The following CMSS1 variants were observed in gnomAD, a reference collection of about 807,000 sequenced individuals.
CMSS1 encodes protein CMSS1.
In CMSS1, 33 loss-of-function variants were observed where a neutral mutation model predicts 43.5. The ratio of observed to expected loss-of-function variants is 0.76; its 90% confidence interval spans 0.57 to 1.01. The LOEUF (loss-of-function observed/expected upper bound fraction) is 1.01, where lower values mean the gene tolerates loss of function less well. Ranked by LOEUF, CMSS1 falls within the 50% of genes least tolerant of loss-of-function variation. The pLI, the probability that CMSS1 is intolerant of heterozygous loss-of-function variation, is 0.00. For missense variants in CMSS1, 313 were observed against 326.4 expected, an observed-to-expected ratio of 0.96 and a Z score of 0.32; for synonymous variants, 115 against 117.2, an observed-to-expected ratio of 0.98 and a Z score of 0.12.
intron 1 of CMSS1, among the ~76,000 whole-genome samples, chr3:100,056,359 T>C (rs561458818): frequency 6.6e-6 from 1 of 152,338 alleles, no homozygotes; most frequent in Middle Eastern, 3.4e-3. Context: ...TTTTTAAATT[T>C]CTATGGGAGG....
At chr3:100,060,962 A>G (rs911119048) in intron 1 of CMSS1, among the ~76,000 whole-genome samples, 1 of 152,182 alleles carries the variant, frequency 6.6e-6, no homozygotes, top group Non-Finnish European at 1.5e-5. Flanking sequence ...TTGCAGAACC[A>G]CATCCTCATT....
intron 1 of CMSS1, among the ~76,000 whole-genome samples, chr3:99,963,696 C>T (rs1188403133): frequency 6.6e-6 from 1 of 151,896 alleles, no homozygotes; most frequent in Non-Finnish European, 1.5e-5. Context: ...ACTGCAGCCT[C>T]GCCTCCAGGG....
At chr3:100,019,563 G>A (rs2064768787) in intron 1 of CMSS1, among the ~76,000 whole-genome samples, 3 of 151,972 alleles carry the variant, frequency 2.0e-5, no homozygotes, top group African/African-American at 7.2e-5. Context: ...ACGTAAAATT[G>A]TTCTATTTTA....
intron 1 of CMSS1, among the ~76,000 whole-genome samples, chr3:100,012,495 G>A (rs1710186397): frequency 6.6e-6 from 1 of 152,000 alleles, no homozygotes; most frequent in Non-Finnish European, 1.5e-5. Context: ...GAGCCTTAAG[G>A]ACTACATATC....
chr3:99,978,194 C>T (rs1709023942), intron 1 of CMSS1, among the ~76,000 whole-genome samples: 2 of 152,054 alleles, frequency 1.3e-5, no homozygotes, highest in African/African-American at 4.8e-5. Flanking sequence ...TTCAGGAATT[C>T]CCTCATGGAA....
chr3:99,983,462 GTGTATATATATATATATATATATATA>G (rs1296822629), intron 1 of CMSS1, among the ~76,000 whole-genome samples: 351 of 11,968 alleles, frequency 0.029, 19 homozygotes, highest in African/African-American at 0.07. Context: ...ATATATATGT[GTGTATATATATATATATATATATATA>G]TATATATATA....
At chr3:99,854,188 T>G (rs139050305) in intron 1 of CMSS1, among the ~76,000 whole-genome samples, 7 of 152,194 alleles carry the variant, frequency 4.6e-5, no homozygotes, top group African/African-American at 1.7e-4. Flanking sequence ...GGGTGTGGAG[T>G]TGAGCCTCCT....
intron 5 of CMSS1, 135 bp downstream of exon 5, chr3:100,166,529 T>A: frequency 1.6e-6 from 1 of 618,510 alleles, no homozygotes; most frequent in Non-Finnish European, 2.9e-6. Context: ...AGAATGGTGT[T>A]CTAGTCCCAG....
intron 1 of CMSS1, among the ~76,000 whole-genome samples, chr3:100,068,825 A>G (rs1233631124): frequency 1.3e-5 from 2 of 152,106 alleles, no homozygotes; most frequent in East Asian, 1.9e-4. Flanking sequence ...ATGGGGTTTC[A>G]CCATGTTGGC....
chr3:100,146,702 G>A (rs2066853339), intron 1 of CMSS1, among the ~76,000 whole-genome samples: 1 of 152,192 alleles, frequency 6.6e-6, no homozygotes, highest in African/African-American at 2.4e-5. Flanking sequence ...TTTAAAGGCT[G>A]TAAAACGTCC....
intron 1 of CMSS1, among the ~76,000 whole-genome samples, chr3:100,106,934 T>G (rs2066406132): frequency 6.6e-6 from 1 of 152,194 alleles, no homozygotes; most frequent in East Asian, 1.9e-4. Context: ...AAATATTTTC[T>G]GGTCAGTAGA....
At chr3:99,909,663 G>A (rs1321618508) in intron 1 of CMSS1, among the ~76,000 whole-genome samples, 1 of 152,020 alleles carries the variant, frequency 6.6e-6, no homozygotes, top group Non-Finnish European at 1.5e-5. Flanking sequence ...AGTGTGTCAT[G>A]TTTTTCATCA....
rs71907944 is a variant in CMSS1, at chr3:100,062,093, C to CTTTTTTTTTTTTTTTTTTTTTT, written c.65-84865_65-84844dup. Reference sequence around the variant, plus strand: ...CCACTTGTGGTTATCCTGTCTTCTTCTTTTTTTTTTTTTTTTTTTTTTTTT... The same window carrying CTTTTTTTTTTTTTTTTTTTTTT: ...CCACTTGTGGTTATCCTGTCTTCTTCTTTTTTTTTTTTTTTTTTTTTTTTTTTTTTTTTTTTTTTTTTTTTTT... On this transcript the variant is annotated intron_variant, in intron 1 of 9. Transcript: ENST00000421999. Among the ~76,000 whole-genome samples, 5 of 53,154 alleles carry CTTTTTTTTTTTTTTTTTTTTTT rather than the reference C, an allele frequency of 9.4e-5. 1 individual carries two copies. Among genetic ancestry groups the CTTTTTTTTTTTTTTTTTTTTTT allele is most frequent in the Non-Finnish European group, 1.4e-4 (4 of 29,474 alleles). The allele number at this position is 53,154 out of a possible 152,430, so 34.9% of individuals were successfully genotyped here. A position where few individuals can be genotyped will look rare whatever the true frequency, so the allele number is the denominator to read the frequency against.
intron 1 of CMSS1, among the ~76,000 whole-genome samples, chr3:100,047,046 G>A (rs1042016309): frequency 7.2e-5 from 11 of 152,166 alleles, no homozygotes; most frequent in African/African-American, 2.4e-4. Flanking sequence ...AAAATGTAAA[G>A]GGTATTGTCC....
intron 1 of CMSS1, chr3:100,075,560 T>C (rs2065836683): frequency 6.6e-6 from 1 of 151,630 alleles, no homozygotes; most frequent in East Asian, 1.9e-4. Context: ...TTCTCTTTTC[T>C]TTTTCTTTTT....
At chr3:100,116,019 TC>T (rs747204255) in intron 1 of CMSS1, among the ~76,000 whole-genome samples, 4 of 152,212 alleles carry the variant, frequency 2.6e-5, no homozygotes, top group Non-Finnish European at 4.4e-5. Context: ...GTGTGATGTT[TC>T]CTCATTGTGA....
At chr3:99,853,903 C>A (rs1191895971) in intron 1 of CMSS1, among the ~76,000 whole-genome samples, 1 of 152,088 alleles carries the variant, frequency 6.6e-6, no homozygotes, top group Non-Finnish European at 1.5e-5. Flanking sequence ...GAGCTCAGGA[C>A]AAGGAACCAG....
At chr3:99,904,536 ATTCTTGTTATT>A (rs1189426667) in intron 1 of CMSS1, among the ~76,000 whole-genome samples, 1 of 152,194 alleles carries the variant, frequency 6.6e-6, no homozygotes, top group African/African-American at 2.4e-5. Context: ...CCAAACATTA[ATTCTTGTTATT>A]TTGACATCTT....
chr3:99,903,139 C>T (rs1706491682), intron 1 of CMSS1, among the ~76,000 whole-genome samples: 1 of 152,122 alleles, frequency 6.6e-6, no homozygotes, highest in South Asian at 2.1e-4. Context: ...ATAATAGTAA[C>T]TCTCTCATAG....
Sources: gnomAD v4.1 joint callset for allele counts (sites outside exome capture counted in the v4.1 genomes callset) on GRCh38, gnomAD v4.1.1 for gene constraint, MANE v1.5 for transcripts, NCBI Gene and HGNC (gene_info 2026-07-23, HGNC 2026-07-21) for gene names.